Variants in NRXN1 observed in about 807,000 individuals in gnomAD.
NRXN1 encodes neurexin-1.
A neutral mutation model predicts 150.9 loss-of-function variants in NRXN1; 39 were observed. The ratio of observed to expected loss-of-function variants is 0.26; its 90% CI spans 0.20 to 0.34. The LOEUF (loss-of-function observed/expected upper bound fraction) is 0.34. NRXN1 is among the 10% of genes least tolerant of loss of function. The probability of loss-of-function intolerance (pLI) is 1.00; values close to 1 mark genes in which losing one functional copy is unlikely to be tolerated. For missense variants in NRXN1, 1,815 were observed against 1,949.9 expected (o/e 0.93, Z 1.30); for synonymous variants, 924 against 757.0 (o/e 1.22, Z -3.62).
Position 50,828,864 on chromosome 2 carries a change from A to G in NRXN1, c.832+93005T>C, listed in dbSNP as rs559170492. On this transcript the variant is annotated intron_variant, in intron 5 of 22. Coordinates refer to ENST00000401669, the MANE Select transcript of NRXN1 (RefSeq NM_001330078.2). ...GAGGCTGCACTCTCGGCACTTTGGGAGGCCAAGGCAGGCGGCTGGGAGGTG... is the reference window on the plus strand; with the variant it reads ...GAGGCTGCACTCTCGGCACTTTGGGGGGCCAAGGCAGGCGGCTGGGAGGTG... Among the ~76,000 whole-genome samples the G allele has an allele frequency of 2.0e-5, 3 of 152,268 alleles. No individual in the cohort carries two copies. The South Asian group carries it at 6.2e-4, about 32-fold the overall frequency.
chr2:50,009,133 G>T (rs1488522574), intron 21 of NRXN1, among the ~76,000 whole-genome samples: 1 of 152,062 alleles, frequency 6.6e-6, no homozygotes, highest in East Asian at 1.9e-4. Flanking sequence ...TTGTATAGAA[G>T]TAAATAGTAT....
intron 12 of NRXN1, among the ~76,000 whole-genome samples, chr2:50,523,017 G>A (rs1047157778): frequency 1.3e-5 from 2 of 152,196 alleles, no homozygotes; most frequent in East Asian, 1.9e-4. Context: ...TTACAGGCGT[G>A]AGCCACAGCA....
chr2:50,436,864 T>G (rs551044499), intron 17 of NRXN1, among the ~76,000 whole-genome samples: 1 of 152,284 alleles, frequency 6.6e-6, no homozygotes, highest in East Asian at 1.9e-4. Context: ...TACTCAATGG[T>G]ATCTCAAAAC....
chr2:50,705,646 T>C lies in NRXN1; in HGVS notation c.833-82031A>G, dbSNP rs548254061. On this transcript the variant is annotated intron_variant, in intron 5 of 22. Coordinates refer to ENST00000401669, the MANE Select transcript of NRXN1 (RefSeq NM_001330078.2). ...ACAATGTTTTTCTTGAATAATTCAG[T>C]GGGAAATAAAGGAGATAAATGAAGT... 6.7e-4 allele frequency among the ~76,000 whole-genome samples: 102 copies of C among 152,302 alleles called. 2 individuals are homozygous for C. The South Asian group carries it at 0.02, about 30-fold the overall frequency.
At chr2:50,251,989 T>C (rs1206610256) in intron 17 of NRXN1, among the ~76,000 whole-genome samples, 1 of 152,092 alleles carries the variant, frequency 6.6e-6, no homozygotes, top group African/African-American at 2.4e-5. Context: ...AGGTTGTCTG[T>C]TCACTCTGAT....
At chr2:50,551,083 G>A (rs181594727) in intron 9 of NRXN1, among the ~76,000 whole-genome samples, 3,923 of 91,850 alleles carry the variant, frequency 0.043, 91 homozygotes, top group East Asian at 0.1. Flanking sequence ...AAGAGGAGGA[G>A]GAGGAGGAGG....
At chr2:50,620,992 C>A in intron 7 of NRXN1, 1 of 455,038 alleles carries the variant, frequency 2.2e-6, no homozygotes, top group African/African-American at 2.0e-5. Context: ...ACGTTCGAAA[C>A]GTTAACGATG....
chr2:50,680,277 G>C (rs968231699), intron 5 of NRXN1, among the ~76,000 whole-genome samples: 1 of 151,816 alleles, frequency 6.6e-6, no homozygotes, highest in Admixed American at 6.6e-5. Context: ...AAATAACACT[G>C]TTTCTTCTGA....
At chr2:50,513,801 A>G (rs1440170473) in intron 12 of NRXN1, among the ~76,000 whole-genome samples, 2 of 152,078 alleles carry the variant, frequency 1.3e-5, no homozygotes, top group African/African-American at 4.8e-5. Context: ...GTAGCTGTAC[A>G]GAAACTTGAA....
intron 5 of NRXN1, among the ~76,000 whole-genome samples, chr2:50,830,387 A>C (rs1671247149): frequency 6.6e-6 from 1 of 152,012 alleles, no homozygotes. Context: ...TGACACAGGG[A>C]TTTTATTGTG....
chr2:50,441,192 G>A (rs996625727), intron 17 of NRXN1, among the ~76,000 whole-genome samples: 4 of 152,090 alleles, frequency 2.6e-5, no homozygotes, highest in Admixed American at 6.6e-5. Context: ...TAATCCCCGT[G>A]ATTCAAAGTA....
intron 2 of NRXN1, among the ~76,000 whole-genome samples, chr2:50,994,879 C>T (rs992475558): frequency 6.6e-6 from 1 of 151,892 alleles, no homozygotes; most frequent in Non-Finnish European, 1.5e-5. Flanking sequence ...CACATACAAA[C>T]GGTGATGCAA....
chr2:50,643,525 C>A (rs1407162788), intron 5 of NRXN1, among the ~76,000 whole-genome samples: 2 of 151,780 alleles, frequency 1.3e-5, no homozygotes, highest in East Asian at 3.9e-4. Context: ...AAGACTTTTT[C>A]TCTCTTTTCT....
At chr2:50,110,473 C>T (rs1458260678) in intron 18 of NRXN1, among the ~76,000 whole-genome samples, 2 of 109,024 alleles carry the variant, frequency 1.8e-5, no homozygotes, top group Non-Finnish European at 3.4e-5. Flanking sequence ...GCCTGGGCGA[C>T]AGAGTGAGAC....
chr2:50,857,332 G>A (rs1675418856), intron 5 of NRXN1, among the ~76,000 whole-genome samples: 1 of 152,058 alleles, frequency 6.6e-6, no homozygotes, highest in African/African-American at 2.4e-5. Context: ...CAGTTAAAAA[G>A]CCAGTGGTGG....
chr2:50,811,554 T>C (rs879282955), intron 5 of NRXN1, among the ~76,000 whole-genome samples: 10 of 152,188 alleles, frequency 6.6e-5, no homozygotes, highest in Non-Finnish European at 1.3e-4. Context: ...AGATCTTCAG[T>C]TGGCACTCCA....
intron 17 of NRXN1, among the ~76,000 whole-genome samples, chr2:50,386,122 T>A (rs1468229722): frequency 6.6e-6 from 1 of 152,040 alleles, no homozygotes; most frequent in Non-Finnish European, 1.5e-5. Context: ...CTATAGTACT[T>A]TGATAAGAAA....
intron 5 of NRXN1, among the ~76,000 whole-genome samples, chr2:50,881,665 G>C (rs1463803945): frequency 6.6e-6 from 1 of 151,752 alleles, no homozygotes; most frequent in African/African-American, 2.4e-5. Flanking sequence ...TGGAATCAGG[G>C]GCTGGACCCT....
intron 17 of NRXN1, among the ~76,000 whole-genome samples, chr2:50,376,947 TTTTTC>T (rs1011490570): frequency 7.4e-5 from 10 of 135,568 alleles, no homozygotes; most frequent in Non-Finnish European, 1.2e-4. Context: ...TCTTTCTTTC[TTTTTC>T]TTTTCTTTTC....
Sources: allele counts gnomAD v4.1 joint callset (sites outside exome capture counted in the v4.1 genomes callset), GRCh38; gene constraint gnomAD v4.1.1; transcripts MANE v1.5; gene names NCBI Gene and HGNC (gene_info 2026-07-23, HGNC 2026-07-21).